Variants in STX1A observed in about 807,000 individuals in gnomAD.
STX1A encodes syntaxin-1A.
A neutral mutation model predicts 37.8 loss-of-function variants in STX1A; 4 were observed. The ratio of observed to expected loss-of-function variants is 0.11; its 90% confidence interval spans 0.05 to 0.24. STX1A has a LOEUF of 0.24. Among genes scored for constraint, STX1A ranks in the 10% least tolerant of loss-of-function variants. STX1A has a pLI of 1.00. For synonymous variants in STX1A, 135 were observed against 147.4 expected (o/e 0.92, Z 0.61); for missense variants, 251 against 399.9 (o/e 0.63, Z 3.18).
At chr7:73,708,822 G>C in intron 2 of STX1A, 134 bp from the exon 3 acceptor site, 1 of 983,964 alleles carries the variant, frequency 1.0e-6, no homozygotes, top group South Asian at 1.5e-5. Flanking sequence ...CTGGGGTGCA[G>C]TGGGGGTGCA....
At position 73,700,910 on chromosome 7, in the gene STX1A, A is replaced by G; in HGVS notation, c.679-70T>C. On this transcript the variant is annotated intron_variant, in intron 8 of 9. Coordinates refer to ENST00000222812, the MANE Select transcript of STX1A (RefSeq NM_004603.4). The surrounding 1 kb of genome is among the most constrained non-coding windows in gnomAD (Gnocchi z 4.4). ...GGGTTGGGTTGGGGCTCGGGGCAGG[A>G]CTTCAGGAAAGCACCCTGAGGCTAG... 6.3e-7 allele frequency: 1 copy of G among 1,596,194 alleles called. No homozygotes were observed. The highest frequency in any genetic ancestry group is 8.5e-7 in the Non-Finnish European group (1 of 1,175,290).
intron 1 of STX1A, among the ~76,000 whole-genome samples, chr7:73,714,101 G>T (rs1799198814): frequency 6.7e-6 from 1 of 148,886 alleles, no homozygotes; most frequent in Admixed American, 6.7e-5. Flanking sequence ...CATCCAATTT[G>T]TCCTGGCACT....
rs1308569980 is a variant in STX1A at position 73,717,864 on chromosome 7, T to C, written c.30+1738A>G. Among the ~76,000 whole-genome samples, 13 of 152,142 alleles carry C rather than the reference T, an allele frequency of 8.5e-5. No homozygotes were observed. Among genetic ancestry groups the C allele is most frequent in the African/African-American group, 3.1e-4 (13 of 41,428 alleles). ...CCCCAGTGTCAGCCAGGCCTGAGTC[T>C]GACTATCTTCAGGGATGAGGCAAAG... On this transcript the variant is annotated intron_variant, in intron 1 of 9. Coordinates refer to ENST00000222812, the MANE Select transcript of STX1A (RefSeq NM_004603.4). This position sits in a 1 kb window ranked among gnomAD's most constrained non-coding sequence, Gnocchi z 4.1.
intron 4 of STX1A, 26 bp from the exon 5 acceptor site, chr7:73,704,449 C>A: frequency 6.2e-7 from 1 of 1,613,798 alleles, no homozygotes; most frequent in South Asian, 1.1e-5. Flanking sequence ...GCTGCTAAGT[C>A]ATAACCAGGC....
In STX1A at chr7:73,700,021, A is replaced by G; in HGVS notation, c.*386T>C. ...GGGCTCTGCTTGTGGGGACAGCTGGAGAGGACAGGGCAGGTCAGCTGGAGG... is the reference window on the plus strand; with the variant it reads ...GGGCTCTGCTTGTGGGGACAGCTGGGGAGGACAGGGCAGGTCAGCTGGAGG... On this transcript the variant is annotated 3_prime_UTR_variant, in exon 10 of 10. Coordinates refer to ENST00000222812, the MANE Select transcript of STX1A (RefSeq NM_004603.4). The surrounding 1 kb of genome is among the most constrained non-coding windows in gnomAD (Gnocchi z 4.4). 2 of 284,398 alleles carry G rather than the reference A, an allele frequency of 7.0e-6. No homozygotes were observed. Among genetic ancestry groups the G allele is most frequent in the Non-Finnish European group, 1.4e-5 (2 of 146,420 alleles). 17.6% of individuals were successfully genotyped at this position (284,398 alleles called of 1,614,324 possible). A position where few individuals can be genotyped will look rare whatever the true frequency, so the allele number is the denominator to read the frequency against.
At position 73,700,405 on chromosome 7, in the gene STX1A, T is replaced by A. The variant is rs781794033; in HGVS notation, c.*2A>T. 1 of 1,613,942 alleles carries A rather than the reference T, an allele frequency of 6.2e-7. No individual in the cohort carries two copies. Among genetic ancestry groups the A allele is most frequent in the Admixed American group, 1.7e-5 (1 of 59,994 alleles). On this transcript the variant is annotated 3_prime_UTR_variant, in exon 10 of 10. Coordinates refer to ENST00000222812, the MANE Select transcript of STX1A (RefSeq NM_004603.4). The surrounding 1 kb of genome is among the most constrained non-coding windows in gnomAD (Gnocchi z 4.4). Reference sequence around the variant, plus strand: ...GGAGTGGAGTGGCAGTTTGGGTGGCTTCTAGGCGAAGATGCCCCCAACAGT... The same window carrying A: ...GGAGTGGAGTGGCAGTTTGGGTGGCATCTAGGCGAAGATGCCCCCAACAGT...
At chr7:73,703,989 C>G in intron 6 of STX1A, 159 bp downstream of exon 6, 1 of 1,013,598 alleles carries the variant, frequency 9.9e-7, no homozygotes, top group Non-Finnish European at 1.4e-6. Flanking sequence ...GCAGCCGCCT[C>G]AGGCCCCCGC....
intron 1 of STX1A, among the ~76,000 whole-genome samples, chr7:73,718,027 T>C (rs1008527148): frequency 1.3e-5 from 2 of 152,104 alleles, no homozygotes; most frequent in Non-Finnish European, 2.9e-5. Context: ...CCCTGACCAC[T>C]TGGTTCCCAC....
chr7:73,700,143 G>A lies in STX1A; in HGVS notation c.*264C>T. 1 of 548,968 alleles carries A rather than the reference G, an allele frequency of 1.8e-6. No homozygotes were observed. Among genetic ancestry groups the A allele is most frequent in the Non-Finnish European group, 3.3e-6 (1 of 305,614 alleles). The allele number at this position is 548,968 out of a possible 1,614,324, so 34.0% of individuals were successfully genotyped here. A position where few individuals can be genotyped will look rare whatever the true frequency, so the allele number is the denominator to read the frequency against. ...GTGTCACCCTGGCGGCCCTGCCTGGGTCTGCTCCTCGCTGTGCACACTGCA... is the reference window on the plus strand; with the variant it reads ...GTGTCACCCTGGCGGCCCTGCCTGGATCTGCTCCTCGCTGTGCACACTGCA... On this transcript the variant is annotated 3_prime_UTR_variant, in exon 10 of 10. Coordinates refer to ENST00000222812, the MANE Select transcript of STX1A (RefSeq NM_004603.4). The surrounding 1 kb of genome is among the most constrained non-coding windows in gnomAD (Gnocchi z 4.4).
At position 73,702,363 on chromosome 7, in the gene STX1A, G is replaced by C. The variant is rs1798690646; in HGVS notation, c.678+482C>G. ...GGCACCTTCCTGGACCTTCACCTCA[G>C]CTGCCAGTCTCTGGGACGGGGACCT... On this transcript the variant is annotated intron_variant, in intron 8 of 9. Coordinates refer to ENST00000222812, the MANE Select transcript of STX1A (RefSeq NM_004603.4). The surrounding 1 kb of genome is among the most constrained non-coding windows in gnomAD (Gnocchi z 4.7). Among the ~76,000 whole-genome samples the C allele has an allele frequency of 1.3e-5, 2 of 152,296 alleles. No individual in the cohort carries two copies. The highest frequency in any genetic ancestry group is 4.1e-4 in the South Asian group (2 of 4,832).
In STX1A at chr7:73,709,674, G is replaced by A. The variant is rs1406206514; in HGVS notation, c.31-552C>T. Reference sequence around the variant, plus strand: ...AGCGATCCTCCCAACTCAGCATCCCGAGTAGCTGGAATTATAGGTTTCCAC... The same window carrying A: ...AGCGATCCTCCCAACTCAGCATCCCAAGTAGCTGGAATTATAGGTTTCCAC... On this transcript the variant is annotated intron_variant, in intron 1 of 9. Transcript: ENST00000222812. The surrounding 1 kb of genome is among the most constrained non-coding windows in gnomAD (Gnocchi z 4.2). 2.0e-5 allele frequency among the ~76,000 whole-genome samples: 3 copies of A among 150,834 alleles called. No individual in the cohort carries two copies. The highest frequency in any genetic ancestry group is 2.0e-4 in the Admixed American group (3 of 15,156).
At chr7:73,701,946 C>A (rs936153027) in intron 8 of STX1A, among the ~76,000 whole-genome samples, 2 of 152,174 alleles carry the variant, frequency 1.3e-5, no homozygotes, top group Admixed American at 1.3e-4. Flanking sequence ...AAACAAACAA[C>A]CCAAACCCCC....
intron 8 of STX1A, chr7:73,701,265 C>T: frequency 2.7e-6 from 1 of 376,892 alleles, no homozygotes; most frequent in Admixed American, 4.0e-5. Context: ...ACAGCTCCAT[C>T]CAGCTCTGTC....
intron 3 of STX1A, among the ~76,000 whole-genome samples, chr7:73,708,272 A>G (rs1798953376): frequency 2.0e-5 from 3 of 151,244 alleles, no homozygotes; most frequent in South Asian, 2.1e-4. Flanking sequence ...CAAAAAAAAA[A>G]AAAAAAAAAG....
At chr7:73,703,357 C>A (rs1554616213) in intron 7 of STX1A, 1 of 568,236 alleles carries the variant, frequency 1.8e-6, no homozygotes, top group Admixed American at 2.2e-5. Context: ...ACTGCTCCTC[C>A]CCTCTCTCCT....
intron 1 of STX1A, 149 bp downstream of exon 1, chr7:73,719,453 C>T (rs1554619237): frequency 2.5e-6 from 2 of 788,246 alleles, no homozygotes; most frequent in Non-Finnish European, 3.3e-6. Flanking sequence ...GGAGGGGGGT[C>T]GAGGTCCCTG....
intron 6 of STX1A, 77 bp downstream of exon 6, chr7:73,704,071 G>T: frequency 6.8e-7 from 1 of 1,462,398 alleles, no homozygotes; most frequent in Non-Finnish European, 9.2e-7. Flanking sequence ...GCAGCCTTGA[G>T]CCACGCACTC....
In STX1A at chr7:73,704,263, G is replaced by A. The variant is rs1798786866; in HGVS notation, c.358-7C>T. On this transcript the variant is annotated splice_polypyrimidine_tract_variant and splice_region_variant and intron_variant, in intron 5 of 9. Transcript: ENST00000222812. ...TTCTGGACAGCGTGGAGTGCTGGGG[G>A]CCCGAGATGGAGGTGCAGGGGTCAG... 1.9e-6 allele frequency: 3 copies of A among 1,613,988 alleles called. No individual in the cohort carries two copies. The highest frequency in any genetic ancestry group is 2.5e-6 in the Non-Finnish European group (3 of 1,179,966).
chr7:73,708,834 C>A, intron 2 of STX1A, 146 bp from the exon 3 acceptor site: 1 of 923,122 alleles, frequency 1.1e-6, no homozygotes, highest in Non-Finnish European at 1.7e-6. Flanking sequence ...GGGGGTGCAT[C>A]CTTCCAGACC....
Sources: allele counts gnomAD v4.1 joint callset (sites outside exome capture counted in the v4.1 genomes callset), GRCh38; gene constraint gnomAD v4.1.1; non-coding constraint Gnocchi (gnomAD v3.1); transcripts MANE v1.5; gene names NCBI Gene and HGNC (gene_info 2026-07-23, HGNC 2026-07-21).